FIG4: variants seen among roughly 807,000 people sequenced by gnomAD.
The protein encoded by FIG4 is polyphosphoinositide phosphatase.
A neutral mutation model predicts 118.6 loss-of-function variants in FIG4; 112 were observed. That is an observed-to-expected ratio of 0.94 (90% CI 0.81 to 1.11). The LOEUF (loss-of-function observed/expected upper bound fraction) is 1.11. Ranked by LOEUF, FIG4 falls within the 50% of genes least tolerant of loss-of-function variation. FIG4 has a pLI of 0.00. For synonymous variants in FIG4, 369 were observed against 381.2 expected (o/e 0.97, Z 0.37); for missense variants, 969 against 1,111.7 (o/e 0.87, Z 1.83).
chr6:109,732,747 C>T (rs527757846), intron 5 of FIG4, 60 bp downstream of exon 5: 54 of 1,008,254 alleles, frequency 5.4e-5, no homozygotes, highest in South Asian at 7.9e-5. Context: ...TATTTTCCAG[C>T]GGGTAAAAGC....
At chr6:109,753,454 A>C (rs1288791045) in intron 10 of FIG4, among the ~76,000 whole-genome samples, 4 of 151,858 alleles carry the variant, frequency 2.6e-5, no homozygotes, top group Non-Finnish European at 5.9e-5. Flanking sequence ...ATGAACTTTA[A>C]AGTAGTTTTT....
chr6:109,697,791 A>G (rs1035462775), intron 1 of FIG4, among the ~76,000 whole-genome samples: 3 of 152,226 alleles, frequency 2.0e-5, no homozygotes, highest in African/African-American at 7.2e-5. Flanking sequence ...TATCATTTGT[A>G]AAAATGACTA....
chr6:109,742,606 A>T (rs1776359552), intron 8 of FIG4, among the ~76,000 whole-genome samples: 2 of 152,168 alleles, frequency 1.3e-5, no homozygotes, highest in Admixed American at 1.3e-4. Flanking sequence ...AAGGATAATC[A>T]GACATGTTAT....
chr6:109,741,052 AGACC>A (rs1776308706), intron 7 of FIG4, among the ~76,000 whole-genome samples: 2 of 152,296 alleles, frequency 1.3e-5, no homozygotes, highest in South Asian at 4.1e-4. Flanking sequence ...ACCTCCCACC[AGACC>A]CTACCCTGAC....
At chr6:109,752,085 G>A (rs918574546) in intron 10 of FIG4, among the ~76,000 whole-genome samples, 88 of 147,168 alleles carry the variant, frequency 6.0e-4, no homozygotes, top group Non-Finnish European at 9.5e-4. Context: ...GAGAACATGC[G>A]GTGTTTGGTT....
In FIG4 at chr6:109,716,506, C is replaced by G; in HGVS notation, c.227C>G (p.Thr76Arg). The G allele has an allele frequency of 1.2e-6, 2 of 1,613,906 alleles. No homozygotes were observed. Among genetic ancestry groups the G allele is most frequent in the Non-Finnish European group, 1.7e-6 (2 of 1,179,850 alleles). Residue 76 changes from threonine (T) to arginine (R), a missense_variant, in exon 3 of 23, where the codon ACA becomes AGA. Thr to Arg is a moderately conservative substitution (Grantham distance 71). This residue lies in a region of FIG4 where 393 missense variants were observed against 409.4 expected (regional missense o/e 0.96). Coordinates refer to ENST00000230124, the MANE Select transcript of FIG4 (RefSeq NM_014845.6). ...GGCCGCTTGGATCTTGGAAATAGAA[C>G]AAAGATGGGACAGAAAGGATCCTCG... ...LLGRLDLGNR[T>R]KMGQKGSSGL...
chr6:109,767,842 A>T (rs542145679), intron 15 of FIG4, among the ~76,000 whole-genome samples: 1 of 152,248 alleles, frequency 6.6e-6, no homozygotes, highest in South Asian at 2.1e-4. Flanking sequence ...ACTGCACTCC[A>T]GCCTGGGCGA....
In FIG4 at chr6:109,779,601, A is replaced by C. The variant is rs533755163; in HGVS notation, c.1889+2541A>C. ...TGTTTGTTTTTCCTCTAGAATGTCAAAATTCTGAAAACTATTTTTTGGTGT... is the reference window on the plus strand; with the variant it reads ...TGTTTGTTTTTCCTCTAGAATGTCACAATTCTGAAAACTATTTTTTGGTGT... On this transcript the variant is annotated intron_variant, in intron 16 of 22. Transcript: ENST00000230124. Among the ~76,000 whole-genome samples, 9 of 152,316 alleles carry C rather than the reference A, an allele frequency of 5.9e-5. No homozygotes were observed. In the South Asian group the frequency reaches 1.9e-3, roughly 32 times the overall value.
intron 10 of FIG4, among the ~76,000 whole-genome samples, chr6:109,753,737 CT>C: frequency 6.6e-6 from 1 of 151,992 alleles, no homozygotes; most frequent in Middle Eastern, 3.4e-3. Context: ...TGATTTGGCT[CT>C]CTGTCTGTTA....
chr6:109,725,324 G>T (rs944997377), intron 3 of FIG4, among the ~76,000 whole-genome samples: 1 of 152,056 alleles, frequency 6.6e-6, no homozygotes, highest in African/African-American at 2.4e-5. Flanking sequence ...TCATTGTTCA[G>T]CTCCCACTTA....
chr6:109,744,985 G>A (rs758617096), intron 10 of FIG4, among the ~76,000 whole-genome samples: 84 of 151,940 alleles, frequency 5.5e-4, no homozygotes, highest in Non-Finnish European at 7.4e-4. Flanking sequence ...CCTTTTTTAC[G>A]GCTGCATAGT....
intron 10 of FIG4, among the ~76,000 whole-genome samples, chr6:109,751,771 C>A (rs1428865468): frequency 1.3e-5 from 2 of 148,312 alleles, no homozygotes; most frequent in Non-Finnish European, 3.0e-5. Context: ...TACCCTTTAA[C>A]ATTTTTTATT....
At chr6:109,759,249 T>C (rs1205927472) in intron 10 of FIG4, among the ~76,000 whole-genome samples, 1 of 152,156 alleles carries the variant, frequency 6.6e-6, no homozygotes, top group Non-Finnish European at 1.5e-5. Context: ...ATATATACCA[T>C]GGAATACTAT....
chr6:109,691,817 A>G (rs932929968), intron 1 of FIG4, among the ~76,000 whole-genome samples: 1 of 152,204 alleles, frequency 6.6e-6, no homozygotes, highest in African/African-American at 2.4e-5. Context: ...GATTCTTTTC[A>G]GCTTTCAGAA....
chr6:109,812,255 A>C (rs1778739149), intron 22 of FIG4, among the ~76,000 whole-genome samples: 1 of 152,116 alleles, frequency 6.6e-6, no homozygotes, highest in African/African-American at 2.4e-5. Context: ...AGCCAGTCTC[A>C]GGCAGTTCTT....
chr6:109,785,652 C>T, intron 17 of FIG4: 2 of 470,710 alleles, frequency 4.2e-6, no homozygotes, highest in South Asian at 3.1e-5. Flanking sequence ...TGAGCAAGCT[C>T]ATTTTCCATT....
At chr6:109,823,475 T>C (rs929574949) in intron 22 of FIG4, among the ~76,000 whole-genome samples, 2 of 152,196 alleles carry the variant, frequency 1.3e-5, no homozygotes, top group African/African-American at 4.8e-5. Context: ...AAAAGCAAAG[T>C]ACAGTAAGCT....
intron 10 of FIG4, among the ~76,000 whole-genome samples, chr6:109,752,298 T>C (rs910095116): frequency 6.6e-6 from 1 of 151,382 alleles, no homozygotes; most frequent in Non-Finnish European, 1.5e-5. Flanking sequence ...ACAATAAACA[T>C]ACGTGTGCAT....
Position 109,715,133 on chromosome 6 carries a change from T to C in FIG4, c.122T>C (p.Ile41Thr), listed in dbSNP as rs121908287. The C allele has an allele frequency of 1.5e-3, 2,470 of 1,607,902 alleles. 2 individuals are homozygous for C. The highest frequency in any genetic ancestry group is 1.9e-3 in the Non-Finnish European group (2,290 of 1,174,848). Residue 41 changes from isoleucine (I) to threonine (T), a missense_variant, in exon 2 of 23, where the codon ATT becomes ACT. Physicochemically the swap from Ile to Thr is moderately conservative, Grantham distance 89. Coordinates refer to ENST00000230124, the MANE Select transcript of FIG4 (RefSeq NM_014845.6). ...GAAACGAAATATCGTGTCTTGAAGA[T>C]TGATAGAACAGAACCAAAAGATTTG... Reference protein sequence around the residue: ...NAETKYRVLKIDRTEPKDLVI... With the variant: ...NAETKYRVLKTDRTEPKDLVI...
Sources: gnomAD v4.1 joint callset for allele counts (sites outside exome capture counted in the v4.1 genomes callset) on GRCh38, gnomAD v4.1.1 for gene constraint, gnomAD v4.1.1 regional missense constraint, MANE v1.5 for transcripts, NCBI Gene and HGNC (gene_info 2026-07-23, HGNC 2026-07-21) for gene names.